Variants in NFAM1 observed in about 807,000 individuals in gnomAD.
The protein encoded by NFAM1 is NFAT activation molecule 1.
NFAM1 carries 17 observed loss-of-function variants against 29.0 expected under a neutral mutation model. The observed-to-expected ratio is 0.59, with a 90% CI of 0.40 to 0.88. The LOEUF (loss-of-function observed/expected upper bound fraction) is 0.88, where lower values mean the gene tolerates loss of function less well. Among genes scored for constraint, NFAM1 ranks in the 40% least tolerant of loss-of-function variants. The pLI is 0.00. For synonymous variants in NFAM1, 175 were observed against 147.2 expected (o/e 1.19, Z -1.36); for missense variants, 324 against 344.6 (o/e 0.94, Z 0.47).
In NFAM1 at chr22:42,403,823, G is replaced by T. The variant is rs997508230; in HGVS notation, c.564+5612C>A. Among the ~76,000 whole-genome samples, 4 of 152,204 alleles carry T rather than the reference G, an allele frequency of 2.6e-5. No individual in the cohort carries two copies. The East Asian group carries it at 7.7e-4, about 29-fold the overall frequency. On this transcript the variant is annotated intron_variant, in intron 3 of 5. Transcript: ENST00000329021. ...CTCAGGGGACCTACAGATGACGAGG[G>T]CAGAGGCAAAAGAGGTGTCAGGGAA...
At position 42,409,522 on chromosome 22, in the gene NFAM1, C is replaced by T; in HGVS notation, c.477G>A (p.Gln159=). Residue 159 remains glutamine, a synonymous_variant, in exon 3 of 6, where the codon CAG becomes CAA. Transcript: ENST00000329021. The surrounding 1 kb of genome is among the most constrained non-coding windows in gnomAD (Gnocchi z 4.9). The part of the protein sequence containing the change: ...VRDAGYREPP[Q]SPQKLLLFGF... ...CAAAGAGCAGGAGCTTCTGTGGACT[C>T]TGCGGGGGCTCTCGGTACCCTGCGT... is the stretch of plus-strand genomic sequence containing the variant. The T allele has an allele frequency of 6.5e-7, 1 of 1,547,450 alleles. No homozygotes were observed. The highest frequency in any genetic ancestry group is 8.7e-7 in the Non-Finnish European group (1 of 1,145,308).
rs1491236869 is a variant in NFAM1, at chr22:42,419,989, G to GTTTTTTTTTTTTT, written c.122-8254_122-8253insAAAAAAAAAAAAA. 1.8e-4 allele frequency among the ~76,000 whole-genome samples: 10 copies of GTTTTTTTTTTTTT among 56,548 alleles called. 2 individuals carry two copies. Among genetic ancestry groups the GTTTTTTTTTTTTT allele is most frequent in the Admixed American group, 1.7e-4 (1 of 5,724 alleles). The allele number at this position is 56,548 out of a possible 152,430, so 37.1% of individuals were successfully genotyped here. On this transcript the variant is annotated intron_variant, in intron 1 of 5. Transcript: ENST00000329021. This position sits in a 1 kb window ranked among gnomAD's most constrained non-coding sequence, Gnocchi z 4.5. ...CCTTTGAGTCTGTAATCCCACTCTT[G>GTTTTTTTTTTTTT]GTTTTTTTTTTTTTTTTTTTTTTTT... is the stretch of plus-strand genomic sequence containing the variant.
upstream of NFAM1, chr22:42,437,141 CTTT>C (rs566611914): frequency 4.5e-4 from 70 of 155,256 alleles, no homozygotes; most frequent in Non-Finnish European, 7.2e-4. Context: ...TTCTTTTTGT[CTTT>C]TTTTTTTTTT....
intron 1 of NFAM1, among the ~76,000 whole-genome samples, chr22:42,429,485 G>A (rs1365598013): frequency 6.6e-6 from 1 of 152,152 alleles, no homozygotes; most frequent in Non-Finnish European, 1.5e-5. Context: ...GCATGGTGGT[G>A]GGTGCCTGCA....
intron 4 of NFAM1, 72 bp from the exon 5 acceptor site, chr22:42,387,150 C>G (rs1235208152): frequency 1.1e-6 from 1 of 890,566 alleles, no homozygotes; most frequent in African/African-American, 1.7e-5. Context: ...GCAGCCAGCC[C>G]CCTGCCTGTT....
intron 1 of NFAM1, among the ~76,000 whole-genome samples, chr22:42,415,305 T>C (rs1406949703): frequency 1.4e-5 from 2 of 143,572 alleles, no homozygotes; most frequent in East Asian, 4.0e-4. Flanking sequence ...TTTTTTTTTT[T>C]TTTTTTTTTT....
At chr22:42,424,588 TG>T (rs1930562460) in intron 1 of NFAM1, among the ~76,000 whole-genome samples, 1 of 152,192 alleles carries the variant, frequency 6.6e-6, no homozygotes. Flanking sequence ...TTTACGAAGC[TG>T]AACTTGGAAG....
chr22:42,386,453 A>G (rs201866576), intron 5 of NFAM1, among the ~76,000 whole-genome samples: 3 of 140,642 alleles, frequency 2.1e-5, no homozygotes, highest in Admixed American at 6.8e-5. Flanking sequence ...AAAAGAGAGA[A>G]AGTATGATTG....
intron 3 of NFAM1, among the ~76,000 whole-genome samples, chr22:42,399,197 T>C (rs1929637126): frequency 6.6e-6 from 1 of 151,762 alleles, no homozygotes. Context: ...TCCCAGCACT[T>C]TGGGACTCGG....
upstream of NFAM1, among the ~76,000 whole-genome samples, chr22:42,436,754 G>A (rs1055956721): frequency 3.9e-5 from 6 of 152,176 alleles, no homozygotes; most frequent in South Asian, 2.1e-4. Context: ...CTCCTGCTTC[G>A]CAGATGAGGA....
At chr22:42,405,349 C>T (rs924942694) in intron 3 of NFAM1, among the ~76,000 whole-genome samples, 1 of 152,176 alleles carries the variant, frequency 6.6e-6, no homozygotes, top group African/African-American at 2.4e-5. Context: ...GGGTGGGGGT[C>T]CGCAGGCGGG....
chr22:42,435,730 T>A (rs980868211), upstream of NFAM1, among the ~76,000 whole-genome samples: 1 of 152,026 alleles, frequency 6.6e-6, no homozygotes, highest in African/African-American at 2.4e-5. Flanking sequence ...ACATAAGTCA[T>A]GGTTTTGCCC....
At chr22:42,411,348 A>G (rs1475873714) in intron 2 of NFAM1, 59 bp downstream of exon 2, 1 of 1,361,832 alleles carries the variant, frequency 7.3e-7, no homozygotes, top group South Asian at 1.2e-5. Context: ...CAAAGTCCCA[A>G]ACTGCCATTT....
In NFAM1 at chr22:42,409,307, G is replaced by A. The variant is rs745753746; in HGVS notation, c.564+128C>T. ...CCCCAGCCCTGGTGCAAGGGGCCACGAGGGCCACCTGTTACAGATGTGGAT... is the reference window on the plus strand; with the variant it reads ...CCCCAGCCCTGGTGCAAGGGGCCACAAGGGCCACCTGTTACAGATGTGGAT... On this transcript the variant is annotated intron_variant, in intron 3 of 5. Transcript: ENST00000329021. This position sits in a 1 kb window ranked among gnomAD's most constrained non-coding sequence, Gnocchi z 4.9. 1.5e-4 allele frequency: 73 copies of A among 479,396 alleles called. No homozygotes were observed. Among genetic ancestry groups the A allele is most frequent in the South Asian group, 3.6e-4 (8 of 22,424 alleles). 29.7% of individuals were successfully genotyped at this position (479,396 alleles called of 1,614,324 possible). A position where few individuals can be genotyped will look rare whatever the true frequency, so the allele number is the denominator to read the frequency against.
In NFAM1 at chr22:42,432,373, TCTGCGGCGA is replaced by T. The variant is rs1024290797; in HGVS notation, c.-25_-17del. On this transcript the variant is annotated 5_prime_UTR_variant, in exon 1 of 6. Transcript: ENST00000329021. Reference sequence around the variant, plus strand: ...GGTTCTCCATCTGGGGGCCTGCTTGTCTGCGGCGACTCTTTAGTTCACAGGAGGGGACGG... The same window carrying T: ...GGTTCTCCATCTGGGGGCCTGCTTGTCTCTTTAGTTCACAGGAGGGGACGG... The T allele has an allele frequency of 3.9e-6, 6 of 1,554,402 alleles. No homozygotes were observed. In the African/African-American group the frequency reaches 8.3e-5, roughly 21 times the overall value.
At chr22:42,436,912 G>T (rs1046055075), upstream of NFAM1, 1 of 616,222 alleles carries the variant, frequency 1.6e-6, no homozygotes, top group Non-Finnish European at 2.0e-6. Context: ...GATATTATAC[G>T]CCTCAGCTGA....
chr22:42,425,298 C>A (rs548510419), intron 1 of NFAM1, among the ~76,000 whole-genome samples: 4 of 152,312 alleles, frequency 2.6e-5, no homozygotes, highest in African/African-American at 7.2e-5. Context: ...CCCTGCCTCG[C>A]ATTAGTGATT....
chr22:42,410,693 T>C (rs1156321458), intron 2 of NFAM1, among the ~76,000 whole-genome samples: 1 of 149,756 alleles, frequency 6.7e-6, no homozygotes, highest in African/African-American at 2.5e-5. Flanking sequence ...TGATGAAAAC[T>C]AAAGATCTGT....
At chr22:42,431,202 GCCT>G (rs1930785747) in intron 1 of NFAM1, among the ~76,000 whole-genome samples, 1 of 152,226 alleles carries the variant, frequency 6.6e-6, no homozygotes, top group Non-Finnish European at 1.5e-5. Flanking sequence ...GCTTCCCTGG[GCCT>G]CCTTTTCCCT....
Sources: allele counts gnomAD v4.1 joint callset (sites outside exome capture counted in the v4.1 genomes callset), GRCh38; gene constraint gnomAD v4.1.1; non-coding constraint Gnocchi (gnomAD v3.1); transcripts MANE v1.5; gene names NCBI Gene and HGNC (gene_info 2026-07-23, HGNC 2026-07-21).